The following MOK variants were observed in gnomAD, a reference collection of about 807,000 sequenced individuals.
MOK encodes the protein MOK protein kinase, also known as MAPK/MAK/MRK overlapping kinase.
A neutral mutation model predicts 54.2 loss-of-function variants in MOK; 59 were observed. That is an observed-to-expected ratio of 1.09 (90% CI 0.88 to 1.35). MOK has a LOEUF of 1.35. Ranked by LOEUF, MOK falls within the 40% of genes most tolerant of loss-of-function variation. The pLI, the probability that MOK is intolerant of heterozygous loss-of-function variation, is 0.00. For missense variants in MOK, 517 were observed against 526.2 expected (o/e 0.98, Z 0.17); for synonymous variants, 210 against 202.7 (o/e 1.04, Z -0.31).
chr14:102,241,746 T>A (rs1037826987), intron 7 of MOK, among the ~76,000 whole-genome samples: 2 of 152,060 alleles, frequency 1.3e-5, no homozygotes, highest in Non-Finnish European at 2.9e-5. Context: ...AATAATAGAG[T>A]AGAGGCAGCC....
At chr14:102,273,593 C>T (rs2068582143) in intron 2 of MOK, among the ~76,000 whole-genome samples, 1 of 152,072 alleles carries the variant, frequency 6.6e-6, no homozygotes, top group South Asian at 2.1e-4. Context: ...GCCTGGCCAA[C>T]ATGACAAAAC....
At chr14:102,247,565 CCT>C (rs1047710526) in intron 7 of MOK, 2 of 152,238 alleles carry the variant, frequency 1.3e-5, no homozygotes, top group Non-Finnish European at 2.9e-5. Context: ...GGATTAACCA[CCT>C]CTGTTTCCTA....
rs571501998 is a variant in MOK at position 102,249,767 on chromosome 14, C to T, written c.590+1045G>A. On this transcript the variant is annotated intron_variant, in intron 7 of 11. Coordinates refer to ENST00000361847, the MANE Select transcript of MOK (RefSeq NM_014226.3). This position sits in a 1 kb window ranked among gnomAD's most constrained non-coding sequence, Gnocchi z 5.3. ...AATAAATTCAATTCATATTACATGC[C>T]ACAAATAATATTTAAAAATACAGCT... 4.1e-4 allele frequency among the ~76,000 whole-genome samples: 63 copies of T among 152,252 alleles called. No homozygotes were observed. The highest frequency in any genetic ancestry group is 3.4e-3 in the Middle Eastern group (1 of 294).
chr14:102,284,120 T>C (rs534992547), intron 1 of MOK, among the ~76,000 whole-genome samples: 1 of 152,196 alleles, frequency 6.6e-6, no homozygotes, highest in Admixed American at 6.5e-5. Context: ...GCCCTGATAA[T>C]GGTTTTGGAA....
At chr14:102,284,697 A>G (rs2069833637) in intron 1 of MOK, among the ~76,000 whole-genome samples, 1 of 152,196 alleles carries the variant, frequency 6.6e-6, no homozygotes, top group African/African-American at 2.4e-5. Context: ...AGGCTGTTAC[A>G]ATCTCTGGGC....
chr14:102,224,812 A>T, downstream of MOK: 1 of 455,964 alleles, frequency 2.2e-6, no homozygotes. Context: ...GAGAAATAAT[A>T]AAAGACACTA....
chr14:102,262,502 T>C (rs1271779122), intron 4 of MOK, among the ~76,000 whole-genome samples: 1 of 152,258 alleles, frequency 6.6e-6, no homozygotes, highest in East Asian at 1.9e-4. Flanking sequence ...TGGCTACTTA[T>C]GCTATTTGTT....
chr14:102,221,975 T>C (rs939048482), downstream of MOK, among the ~76,000 whole-genome samples: 7 of 152,200 alleles, frequency 4.6e-5, no homozygotes, highest in African/African-American at 1.4e-4. This position sits in a 1 kb window ranked among gnomAD's most constrained non-coding sequence, Gnocchi z 4.8. Context: ...ATGTAATTGC[T>C]GCTCAATAGT....
chr14:102,226,646 G>T (rs1008788132), downstream of MOK, among the ~76,000 whole-genome samples: 1 of 152,198 alleles, frequency 6.6e-6, no homozygotes, highest in African/African-American at 2.4e-5. The surrounding 1 kb of genome is among the most constrained non-coding windows in gnomAD (Gnocchi z 4.8). Context: ...GCGGCCTGGG[G>T]ACCCTGACGC....
chr14:102,219,411 C>T, the MOK span, among the ~76,000 whole-genome samples: 1 of 152,248 alleles, frequency 6.6e-6, no homozygotes, highest in Non-Finnish European at 1.5e-5. Flanking sequence ...GTGTCGCACC[C>T]CCTGCTTCTG....
chr14:102,265,493 G>A (rs1467637916), intron 3 of MOK, among the ~76,000 whole-genome samples: 3 of 152,112 alleles, frequency 2.0e-5, no homozygotes, highest in Admixed American at 6.6e-5. Context: ...TTAGCTGGGC[G>A]TGGTTGTGGG....
At chr14:102,229,855 C>T (rs1025987098) in intron 10 of MOK, 198 bp from the exon 11 acceptor site, 1 of 585,750 alleles carries the variant, frequency 1.7e-6, no homozygotes, top group Non-Finnish European at 3.0e-6. Context: ...GGAGGCCAAA[C>T]CTTCAGGGGG....
At chr14:102,225,019 G>T (rs1238469718), downstream of MOK, 3 of 325,916 alleles carry the variant, frequency 9.2e-6, no homozygotes, top group Admixed American at 1.3e-4. Context: ...GTGAACTGCG[G>T]GTGTATTTGG....
intron 4 of MOK, among the ~76,000 whole-genome samples, chr14:102,262,739 C>A (rs776159206): frequency 9.9e-5 from 15 of 152,198 alleles, no homozygotes; most frequent in Non-Finnish European, 1.6e-4. Flanking sequence ...AATACACCAT[C>A]TAAATCATCT....
intron 1 of MOK, among the ~76,000 whole-genome samples, chr14:102,285,345 T>A (rs1439657257): frequency 6.6e-6 from 1 of 152,152 alleles, no homozygotes. Flanking sequence ...GCCTCCCAAG[T>A]GGCTAGCATG....
intron 1 of MOK, among the ~76,000 whole-genome samples, chr14:102,299,160 C>T (rs2071844122): frequency 6.6e-6 from 1 of 151,454 alleles, no homozygotes; most frequent in African/African-American, 2.4e-5. Flanking sequence ...TGACTCTTTC[C>T]ATGGCGGAAA....
At chr14:102,298,826 G>A (rs2071779877) in intron 1 of MOK, among the ~76,000 whole-genome samples, 1 of 152,142 alleles carries the variant, frequency 6.6e-6, no homozygotes, top group Admixed American at 6.6e-5. Flanking sequence ...AACACTCACT[G>A]CAAAGGTCTG....
At chr14:102,254,603 C>G (rs1229675088) in intron 4 of MOK, among the ~76,000 whole-genome samples, 1 of 152,156 alleles carries the variant, frequency 6.6e-6, no homozygotes, top group Non-Finnish European at 1.5e-5. Flanking sequence ...ACCAATTCCT[C>G]TCCACCAAAA....
downstream of MOK, among the ~76,000 whole-genome samples, chr14:102,220,977 G>A (rs866088419): frequency 7.9e-5 from 12 of 152,186 alleles, no homozygotes; most frequent in Middle Eastern, 3.4e-3. The surrounding 1 kb of genome is among the most constrained non-coding windows in gnomAD (Gnocchi z 4.2). Flanking sequence ...ATGTTGGCCA[G>A]GCTGGTCTCA....
Sources: allele counts gnomAD v4.1 joint callset (sites outside exome capture counted in the v4.1 genomes callset), GRCh38; gene constraint gnomAD v4.1.1; non-coding constraint Gnocchi (gnomAD v3.1); transcripts MANE v1.5; gene names NCBI Gene and HGNC (gene_info 2026-07-23, HGNC 2026-07-21).